Variants in PDZRN4 observed in about 807,000 individuals in gnomAD.
PDZRN4 encodes PDZ domain-containing RING finger protein 4.
Under a neutral mutation model 99.0 loss-of-function variants are expected in PDZRN4, and 70 were observed. The observed-to-expected ratio is 0.71, with a 90% CI of 0.58 to 0.86. PDZRN4 has a LOEUF of 0.86. Ranked by LOEUF, PDZRN4 falls within the 40% of genes least tolerant of loss-of-function variation. The pLI, the probability that PDZRN4 is intolerant of heterozygous loss-of-function variation, is 0.00. For synonymous variants in PDZRN4, 551 were observed against 501.6 expected, an observed-to-expected ratio of 1.10 and a Z score of -1.32; for missense variants, 1,474 against 1,331.2, an observed-to-expected ratio of 1.11 and a Z score of -1.67.
At chr12:41,432,980 G>A (rs1320833383) in intron 3 of PDZRN4, among the ~76,000 whole-genome samples, 1 of 152,178 alleles carries the variant, frequency 6.6e-6, no homozygotes, top group Non-Finnish European at 1.5e-5. Context: ...AACCAACAAA[G>A]TCCCAGGCAT....
intron 3 of PDZRN4, among the ~76,000 whole-genome samples, chr12:41,343,211 T>C (rs1252736603): frequency 6.6e-6 from 1 of 151,910 alleles, no homozygotes; most frequent in Non-Finnish European, 1.5e-5. Context: ...CCATTTCCTC[T>C]AGATTTTCTG....
intron 3 of PDZRN4, among the ~76,000 whole-genome samples, chr12:41,220,625 A>T (rs760222074): frequency 6.6e-6 from 1 of 152,156 alleles, no homozygotes; most frequent in Non-Finnish European, 1.5e-5. Flanking sequence ...CCAGAAGCTG[A>T]CTTGGATAGT....
intron 3 of PDZRN4, among the ~76,000 whole-genome samples, chr12:41,331,862 A>C (rs193170844): frequency 6.6e-6 from 1 of 152,098 alleles, no homozygotes; most frequent in Non-Finnish European, 1.5e-5. Flanking sequence ...CTCCCATGAC[A>C]CATGGGGATT....
rs1235674102 is a variant in PDZRN4, at chr12:41,535,500, A to G, written c.1204-17156A>G. ...TTTATTATTGGTACATTCTCAAGTG[A>G]GACTTTTTTCCTTTTCACTCAGGCC... is the stretch of plus-strand genomic sequence containing the variant. On this transcript the variant is annotated intron_variant, in intron 5 of 9. Coordinates refer to ENST00000402685, the MANE Select transcript of PDZRN4 (RefSeq NM_001164595.2). Among the ~76,000 whole-genome samples, 5 of 152,192 alleles carry G rather than the reference A, an allele frequency of 3.3e-5. No individual in the cohort carries two copies. In the East Asian group the frequency reaches 9.6e-4, roughly 29 times the overall value.
chr12:41,270,165 C>T (rs1951304437), intron 3 of PDZRN4, among the ~76,000 whole-genome samples: 1 of 145,470 alleles, frequency 6.9e-6, no homozygotes. Context: ...TTTCCCATCA[C>T]CACATGTTAT....
chr12:41,330,411 T>C lies in PDZRN4; in HGVS notation c.843+136223T>C, dbSNP rs186645131. Among the ~76,000 whole-genome samples the C allele has an allele frequency of 3.3e-5, 5 of 151,534 alleles. No homozygotes were observed. The East Asian group carries it at 9.7e-4, about 30-fold the overall frequency. ...GCAATCAACTTCACCTCTCTGTATC[T>C]CAGTATCCTGATCTGTAAAATGGGG... On this transcript the variant is annotated intron_variant, in intron 3 of 9. Transcript: ENST00000402685.
intron 3 of PDZRN4, among the ~76,000 whole-genome samples, chr12:41,303,056 G>C (rs1951547220): frequency 6.6e-6 from 1 of 151,888 alleles, no homozygotes; most frequent in Admixed American, 6.6e-5. Context: ...CCCTAGTACT[G>C]ATAGAGTGGA....
At chr12:41,288,180 G>A (rs774755751) in intron 3 of PDZRN4, among the ~76,000 whole-genome samples, 16 of 152,154 alleles carry the variant, frequency 1.1e-4, no homozygotes, top group Non-Finnish European at 2.4e-4. Flanking sequence ...CGGGCATTAT[G>A]TACTGTAGGT....
At chr12:41,499,785 G>C (rs1300376353) in intron 3 of PDZRN4, among the ~76,000 whole-genome samples, 1 of 152,012 alleles carries the variant, frequency 6.6e-6, no homozygotes, top group Admixed American at 6.6e-5. Context: ...TACCATCAAA[G>C]TGCTCTGTAG....
intron 3 of PDZRN4, among the ~76,000 whole-genome samples, chr12:41,290,498 G>T (rs1212946732): frequency 6.6e-6 from 1 of 151,564 alleles, no homozygotes; most frequent in Non-Finnish European, 1.5e-5. Context: ...TCACATATGT[G>T]AAAAAAAATC....
chr12:41,502,336 C>G (rs1227961194), intron 3 of PDZRN4, among the ~76,000 whole-genome samples: 1 of 152,086 alleles, frequency 6.6e-6, no homozygotes, highest in African/African-American at 2.4e-5. Context: ...TATACTACTC[C>G]TGTTTATTAT....
At chr12:41,524,545 G>A (rs1042095843) in intron 5 of PDZRN4, among the ~76,000 whole-genome samples, 28 of 152,228 alleles carry the variant, frequency 1.8e-4, no homozygotes, top group Middle Eastern at 3.4e-3. Context: ...CCTTAGGAAA[G>A]AAGGAGCTCA....
chr12:41,428,499 G>T (rs1274259768), intron 3 of PDZRN4, among the ~76,000 whole-genome samples: 1 of 152,140 alleles, frequency 6.6e-6, no homozygotes, highest in Non-Finnish European at 1.5e-5. Context: ...AGATAGAACT[G>T]TCCACACTCT....
At chr12:41,449,649 T>A (rs1952758992) in intron 3 of PDZRN4, among the ~76,000 whole-genome samples, 1 of 152,204 alleles carries the variant, frequency 6.6e-6, no homozygotes, top group South Asian at 2.1e-4. Flanking sequence ...GTCATAGTGA[T>A]GATAATTGTC....
At chr12:41,214,011 C>A (rs1474440154) in intron 3 of PDZRN4, among the ~76,000 whole-genome samples, 1 of 151,752 alleles carries the variant, frequency 6.6e-6, no homozygotes, top group African/African-American at 2.4e-5. Flanking sequence ...ACATAGCCAC[C>A]TTCGTAAAAA....
intron 3 of PDZRN4, among the ~76,000 whole-genome samples, chr12:41,357,924 G>A (rs1393940764): frequency 6.6e-6 from 1 of 151,958 alleles, no homozygotes; most frequent in Non-Finnish European, 1.5e-5. Context: ...CCCAGTACCT[G>A]ATAAGTGAGA....
intron 1 of PDZRN4, 55 bp downstream of exon 1, chr12:41,189,158 G>A: frequency 6.6e-7 from 1 of 1,518,024 alleles, no homozygotes; most frequent in Non-Finnish European, 8.9e-7. Context: ...GGGAAAAGGA[G>A]CGGTTCTTTC....
At chr12:41,212,874 T>G (rs1950897063) in intron 3 of PDZRN4, among the ~76,000 whole-genome samples, 1 of 151,982 alleles carries the variant, frequency 6.6e-6, no homozygotes. Flanking sequence ...CAGATGAGTA[T>G]GTGCGGAAGC....
chr12:41,193,711 T>G (rs1950751645), intron 2 of PDZRN4, among the ~76,000 whole-genome samples: 1 of 152,084 alleles, frequency 6.6e-6, no homozygotes, highest in Non-Finnish European at 1.5e-5. Context: ...CAGATATATG[T>G]TTTTTTCCTT....
Sources: allele counts gnomAD v4.1 joint callset (sites outside exome capture counted in the v4.1 genomes callset), GRCh38; gene constraint gnomAD v4.1.1; transcripts MANE v1.5; gene names NCBI Gene and HGNC (gene_info 2026-07-23, HGNC 2026-07-21).